Variants in TPRG1 observed in about 807,000 individuals in gnomAD.
TPRG1 encodes tumor protein p63 regulated 1.
TPRG1 carries 29 observed loss-of-function variants against 29.3 expected under a neutral mutation model. The ratio of observed to expected loss-of-function variants is 0.99; its 90% CI spans 0.74 to 1.35. The LOEUF is 1.35. Ranked by LOEUF, TPRG1 falls within the 40% of genes most tolerant of loss-of-function variation. The probability of loss-of-function intolerance (pLI) is 0.00; values close to 1 mark genes in which losing one functional copy is unlikely to be tolerated. For missense variants in TPRG1, 327 were observed against 335.0 expected (o/e 0.98, Z 0.19); for synonymous variants, 130 against 116.8 (o/e 1.11, Z -0.73).
At chr3:189,086,652 C>T (rs1717963344) in intron 4 of TPRG1, among the ~76,000 whole-genome samples, 1 of 152,014 alleles carries the variant, frequency 6.6e-6, no homozygotes, top group South Asian at 2.1e-4. Context: ...CTCAGCCTCC[C>T]AAGTAGCTGG....
At chr3:189,311,943 T>G (rs951105734) in intron 5 of TPRG1, among the ~76,000 whole-genome samples, 43 of 152,140 alleles carry the variant, frequency 2.8e-4, no homozygotes, top group African/African-American at 7.7e-4. Context: ...TGCATCATGC[T>G]CTTGCCGTGA....
At chr3:189,195,622 G>C (rs370319545) in intron 1 of TPRG1, among the ~76,000 whole-genome samples, 2 of 152,328 alleles carry the variant, frequency 1.3e-5, no homozygotes, top group African/African-American at 4.8e-5. Flanking sequence ...ATCTCCTCTG[G>C]AGGGAGCACA....
chr3:189,237,947 C>T lies in TPRG1; in HGVS notation c.303-786C>T, dbSNP rs143124413. On this transcript the variant is annotated intron_variant, in intron 3 of 5. Coordinates refer to ENST00000345063, the MANE Select transcript of TPRG1 (RefSeq NM_198485.4). ...AGTAGGCAGATAGCAAAAGTGCTGTCGGTCTGGGGAATTATGAACCATGTT... is the reference window on the plus strand; with the variant it reads ...AGTAGGCAGATAGCAAAAGTGCTGTTGGTCTGGGGAATTATGAACCATGTT... Among the ~76,000 whole-genome samples, 7 of 152,244 alleles carry T rather than the reference C, an allele frequency of 4.6e-5. No individual in the cohort carries two copies. The East Asian group carries it at 1.4e-3, about 29-fold the overall frequency.
chr3:189,250,712 A>G (rs1273462720), intron 4 of TPRG1, among the ~76,000 whole-genome samples: 3 of 149,172 alleles, frequency 2.0e-5, no homozygotes, highest in Non-Finnish European at 4.4e-5. Context: ...ACTCCAAAGG[A>G]GAGCCTGGAC....
chr3:189,252,237 G>A lies in TPRG1; in HGVS notation c.479+13328G>A, dbSNP rs530971558. Among the ~76,000 whole-genome samples the A allele has an allele frequency of 2.6e-5, 4 of 152,138 alleles. No homozygotes were observed. In the East Asian group the frequency reaches 7.7e-4, roughly 29 times the overall value. On this transcript the variant is annotated intron_variant, in intron 4 of 5. Coordinates refer to ENST00000345063, the MANE Select transcript of TPRG1 (RefSeq NM_198485.4). ...GGTTATAGATTAACAGCATCTCAAGGCAGAAGAATTTGTCTTAGTACAGAG... is the reference window on the plus strand; with the variant it reads ...GGTTATAGATTAACAGCATCTCAAGACAGAAGAATTTGTCTTAGTACAGAG...
intron 4 of TPRG1, among the ~76,000 whole-genome samples, chr3:189,241,279 T>C (rs1740539886): frequency 6.6e-6 from 1 of 152,186 alleles, no homozygotes; most frequent in African/African-American, 2.4e-5. Flanking sequence ...CCTTTTTACA[T>C]TGCCAGTGAG....
intron 3 of TPRG1, among the ~76,000 whole-genome samples, chr3:189,222,656 G>C (rs1283052206): frequency 6.6e-6 from 1 of 152,146 alleles, no homozygotes; most frequent in African/African-American, 2.4e-5. Flanking sequence ...GAAGTATACT[G>C]GTCCAGATCA....
chr3:189,002,871 C>A (rs1712097803), intron 2 of TPRG1, among the ~76,000 whole-genome samples: 1 of 152,034 alleles, frequency 6.6e-6, no homozygotes, highest in South Asian at 2.1e-4. Flanking sequence ...CCTGTCAGCA[C>A]CTTACTTATT....
chr3:189,058,344 T>C (rs896901386), intron 4 of TPRG1, among the ~76,000 whole-genome samples: 14 of 152,224 alleles, frequency 9.2e-5, no homozygotes, highest in African/African-American at 3.4e-4. Flanking sequence ...TTATTTTCTT[T>C]GTACTCAGGA....
chr3:189,238,742 C>G lies in TPRG1; in HGVS notation c.312C>G (p.His104Gln). Residue 104 changes from histidine (H) to glutamine (Q), a missense_variant, in exon 4 of 6, where the codon CAC becomes CAG. Coordinates refer to ENST00000345063, the MANE Select transcript of TPRG1 (RefSeq NM_198485.4). ...QGFWLLTKID[H>Q]WNNEKERILL... Reference sequence around the variant, plus strand: ...ATGATGATTCCTATAGGATAGACCACTGGAACAATGAGAAGGAGAGAATTC... The same window carrying G: ...ATGATGATTCCTATAGGATAGACCAGTGGAACAATGAGAAGGAGAGAATTC... The G allele has an allele frequency of 6.2e-7, 1 of 1,611,234 alleles. No homozygotes were observed. Among genetic ancestry groups the G allele is most frequent in the Non-Finnish European group, 8.5e-7 (1 of 1,178,384 alleles).
rs1368913545 is a variant in TPRG1 at position 189,297,002 on chromosome 3, C to T, written c.480-13384C>T. Reference sequence around the variant, plus strand: ...TTCTTCTTCTTCTTTTTTTCTGAAACAGGATTTTACTCCCATAACCCAGGC... The same window carrying T: ...TTCTTCTTCTTCTTTTTTTCTGAAATAGGATTTTACTCCCATAACCCAGGC... On this transcript the variant is annotated intron_variant, in intron 4 of 5. Transcript: ENST00000345063. Among the ~76,000 whole-genome samples, 4 of 151,782 alleles carry T rather than the reference C, an allele frequency of 2.6e-5. No homozygotes were observed. The East Asian group carries it at 5.8e-4, about 22-fold the overall frequency.
At chr3:189,177,264 A>G (rs1202718175) in intron 1 of TPRG1, among the ~76,000 whole-genome samples, 1 of 152,072 alleles carries the variant, frequency 6.6e-6, no homozygotes, top group Non-Finnish European at 1.5e-5. Context: ...GAGATGAATA[A>G]GTTTTGAAGG....
At chr3:189,116,888 C>T (rs995327273) in intron 1 of TPRG1, among the ~76,000 whole-genome samples, 1 of 152,028 alleles carries the variant, frequency 6.6e-6, no homozygotes, top group African/African-American at 2.4e-5. Flanking sequence ...CTTAACAGTA[C>T]TGAAGTGTAC....
rs563107014 is a variant in TPRG1 at position 188,997,748 on chromosome 3, G to A, written c.-1015-3026G>A. Among the ~76,000 whole-genome samples the A allele has an allele frequency of 7.2e-5, 11 of 152,236 alleles. No individual in the cohort carries two copies. In the South Asian group the frequency reaches 2.3e-3, roughly 32 times the overall value. On this transcript the variant is annotated intron_variant, in intron 1 of 10. Coordinates refer to the TPRG1 transcript ENST00000433971. The stretch of plus-strand genomic sequence containing the variant: ...TAGTTCCTGGAAATATCTTCATGAA[G>A]GGACATCCGAACAATTACATTCCAG...
At position 189,321,960 on chromosome 3, in the gene TPRG1, T is replaced by A. The variant is rs1724359731; in HGVS notation, c.*1140T>A. The A allele has an allele frequency of 6.6e-6, 1 of 152,146 alleles. No homozygotes were observed. The highest frequency in any genetic ancestry group is 1.5e-5 in the Non-Finnish European group (1 of 68,018). The allele number at this position is 152,146 out of a possible 1,614,324, so 9.4% of individuals were successfully genotyped here. On this transcript the variant is annotated 3_prime_UTR_variant, in exon 6 of 6. Coordinates refer to ENST00000345063, the MANE Select transcript of TPRG1 (RefSeq NM_198485.4). ...CTATTGTCATTGCTCTTTTCCCTCTTATTTCCTCTTTGTCTCTTCCCGACT... is the reference window on the plus strand; with the variant it reads ...CTATTGTCATTGCTCTTTTCCCTCTAATTTCCTCTTTGTCTCTTCCCGACT...
chr3:189,148,225 G>T (rs971155059), intron 4 of TPRG1, among the ~76,000 whole-genome samples: 1 of 152,172 alleles, frequency 6.6e-6, no homozygotes, highest in African/African-American at 2.4e-5. Flanking sequence ...GGTCACTGTC[G>T]TTTTAATGGG....
At chr3:189,119,940 A>G (rs191248596) in intron 1 of TPRG1, among the ~76,000 whole-genome samples, 17 of 152,198 alleles carry the variant, frequency 1.1e-4, no homozygotes, top group Admixed American at 2.0e-4. Context: ...AGTGGAGGCT[A>G]TGCTAGCAGA....
rs539119331 is a variant in TPRG1, at chr3:189,290,641, T to C, written c.480-19745T>C. ...TTATGAAGGAAAAAGTCTCTGAATG[T>C]TTCCAGGGCAGAGAAGTTTGGCCAG... On this transcript the variant is annotated intron_variant, in intron 4 of 5. Transcript: ENST00000345063. 2.0e-5 allele frequency among the ~76,000 whole-genome samples: 3 copies of C among 152,346 alleles called. No individual in the cohort carries two copies. The South Asian group carries it at 6.2e-4, about 32-fold the overall frequency.
rs757354866 is a variant in TPRG1 at position 189,238,850 on chromosome 3, G to A, written c.420G>A (p.Leu140=). 8 of 1,613,718 alleles carry A rather than the reference G, an allele frequency of 5.0e-6. No individual in the cohort carries two copies. The East Asian group carries it at 1.3e-4, about 27-fold the overall frequency. The change falls in exon 4 of 6, where the codon CTG becomes CTA. Residue 140 remains leucine (L), a synonymous_variant. Coordinates refer to ENST00000345063, the MANE Select transcript of TPRG1 (RefSeq NM_198485.4). ...GTGTGCAGCTGCAGCGGATTCCTCT[G>A]AGCGCTGTCTATCGCATCTGCCTGG... ...LSCVQLQRIP[L]SAVYRICLGK... is the part of the protein sequence containing the mutation.
Sources: allele counts gnomAD v4.1 joint callset (sites outside exome capture counted in the v4.1 genomes callset), GRCh38; gene constraint gnomAD v4.1.1; transcripts MANE v1.5; gene names NCBI Gene and HGNC (gene_info 2026-07-23, HGNC 2026-07-21).